Variants in PRKD1 observed in about 807,000 individuals in gnomAD.
PRKD1 encodes protein kinase D1.
PRKD1 carries 63 observed loss-of-function variants against 95.9 expected under a neutral mutation model. That is an observed-to-expected ratio of 0.66 (90% CI 0.54 to 0.81). The LOEUF (loss-of-function observed/expected upper bound fraction) is 0.81, where lower values mean the gene tolerates loss of function less well. PRKD1 is among the 30% of genes least tolerant of loss of function. The pLI is 0.00. For synonymous variants in PRKD1, 425 were observed against 423.1 expected (o/e 1.00, Z -0.05); for missense variants, 1,048 against 1,165.3 (o/e 0.90, Z 1.47).
At position 29,666,158 on chromosome 14, in the gene PRKD1, G is replaced by A. The variant is rs1383618278; in HGVS notation, c.454C>T (p.His152Tyr). The stretch of plus-strand genomic sequence containing the variant: ...CAGAAAGCTGGAGCTCTGTATGAAT[G>A]AACAAAGAGAGCGTGGGGACGAATC... ...FQIRPHALFVHSYRAPAFCDH... is the reference protein window; with the variant it reads ...FQIRPHALFVYSYRAPAFCDH... Residue 152 changes from histidine to tyrosine, a missense_variant, in exon 3 of 18, where the codon CAT (histidine) becomes TAT (tyrosine). By Grantham distance (83) the His-to-Tyr change is moderately conservative. This residue lies in a region of PRKD1 where 275 missense variants were observed against 248.6 expected (regional missense o/e 1.11). Coordinates refer to ENST00000331968, the MANE Select transcript of PRKD1 (RefSeq NM_002742.3). 3 of 1,608,106 alleles carry A rather than the reference G, an allele frequency of 1.9e-6. No individual in the cohort carries two copies. Among genetic ancestry groups the A allele is most frequent in the Admixed American group, 3.3e-5 (2 of 59,956 alleles).
At chr14:29,626,360 G>T in intron 12 of PRKD1, 124 bp downstream of exon 12, 5 of 789,066 alleles carry the variant, frequency 6.3e-6, no homozygotes, top group Non-Finnish European at 9.9e-6. Context: ...AACACAAAAA[G>T]ATACACACAC....
Position 29,725,618 on chromosome 14 carries a change from G to A in PRKD1, c.321C>T (p.Asp107=). 1 of 1,613,628 alleles carries A rather than the reference G, an allele frequency of 6.2e-7. No individual in the cohort carries two copies. Among genetic ancestry groups the A allele is most frequent in the Non-Finnish European group, 8.5e-7 (1 of 1,179,702 alleles). The stretch of plus-strand genomic sequence containing the variant: ...GCTGAAGGATGTTTTCAGAGGTAGG[G>A]TCATGGCGAAAAAGCAGGATCTTAT... The part of the protein sequence containing the change: ...MYDKILLFRH[D]PTSENILQLV... Residue 107 remains aspartate, a synonymous_variant, in exon 2 of 18, where the codon GAC becomes GAT. Transcript: ENST00000331968.
chr14:29,789,618 C>T (rs142885153), intron 1 of PRKD1, among the ~76,000 whole-genome samples: 1,841 of 152,266 alleles, frequency 0.012, 28 homozygotes, highest in African/African-American at 0.042. Flanking sequence ...TAAGTGAATG[C>T]CAATGGTGGC....
chr14:29,907,602 A>C (rs1447552238), intron 1 of PRKD1, among the ~76,000 whole-genome samples: 1 of 152,210 alleles, frequency 6.6e-6, no homozygotes, highest in African/African-American at 2.4e-5. Flanking sequence ...TTTTTGTATA[A>C]ACCAAAGTTT....
At chr14:29,636,195 T>C in intron 7 of PRKD1, 95 bp downstream of exon 7, 2 of 1,436,706 alleles carry the variant, frequency 1.4e-6, no homozygotes, top group Non-Finnish European at 2.0e-6. Context: ...GCACTTCACA[T>C]TTCTACTATA....
intron 1 of PRKD1, among the ~76,000 whole-genome samples, chr14:29,834,005 A>G (rs570097158): frequency 5.3e-5 from 8 of 152,270 alleles, no homozygotes; most frequent in Admixed American, 2.0e-4. Flanking sequence ...GTCCTTCTCA[A>G]TCTTCCCCTG....
intron 7 of PRKD1, 24 bp from the exon 8 acceptor site, chr14:29,634,565 G>A (rs760175492): frequency 1.2e-6 from 2 of 1,611,928 alleles, no homozygotes; most frequent in African/African-American, 1.3e-5. Context: ...AATATTGTAG[G>A]GAAAAAATGT....
intron 2 of PRKD1, among the ~76,000 whole-genome samples, chr14:29,672,574 T>C (rs1186952554): frequency 6.6e-6 from 1 of 151,942 alleles, no homozygotes; most frequent in Non-Finnish European, 1.5e-5. Flanking sequence ...AGGTCATAAA[T>C]CTGCAGTGAT....
chr14:29,887,205 T>G (rs1409160316), intron 1 of PRKD1, among the ~76,000 whole-genome samples: 1 of 152,188 alleles, frequency 6.6e-6, no homozygotes, highest in Non-Finnish European at 1.5e-5. Context: ...GAGAGCAACC[T>G]TGACTGCCCT....
chr14:29,768,419 C>T (rs1888357608), intron 1 of PRKD1, among the ~76,000 whole-genome samples: 1 of 152,154 alleles, frequency 6.6e-6, no homozygotes, highest in African/African-American at 2.4e-5. Context: ...CATTCAGTTT[C>T]ATAATATGTT....
At chr14:29,834,212 T>C (rs1355884071) in intron 1 of PRKD1, among the ~76,000 whole-genome samples, 1 of 152,130 alleles carries the variant, frequency 6.6e-6, no homozygotes, top group Admixed American at 6.6e-5. Flanking sequence ...ACAGAAGCTG[T>C]TAGCCATTCA....
At chr14:29,592,474 A>G (rs1399371577) in intron 16 of PRKD1, among the ~76,000 whole-genome samples, 5 of 152,174 alleles carry the variant, frequency 3.3e-5, no homozygotes, top group Non-Finnish European at 7.3e-5. Flanking sequence ...TTACTTAACT[A>G]TTGTAAGTTA....
At position 29,701,006 on chromosome 14, in the gene PRKD1, A is replaced by ACACACACACACACACC. The variant is rs1555337080; in HGVS notation, c.403+24529_403+24530insGGTGTGTGTGTGTGTG. On this transcript the variant is annotated intron_variant, in intron 2 of 17. Coordinates refer to ENST00000331968, the MANE Select transcript of PRKD1 (RefSeq NM_002742.3). Reference sequence around the variant, plus strand: ...CGCGCGCGCACACACACACACACACACCCTGTTGTGTGTGGGAACTCTGGG... The same window carrying ACACACACACACACACC: ...CGCGCGCGCACACACACACACACACACACACACACACACACCCCCTGTTGTGTGTGGGAACTCTGGG... Among the ~76,000 whole-genome samples the ACACACACACACACACC allele has an allele frequency of 6.4e-3, 322 of 50,672 alleles. 2 individuals are homozygous for ACACACACACACACACC. The highest frequency in any genetic ancestry group is 0.033 in the African/African-American group (308 of 9,358). The allele number at this position is 50,672 out of a possible 152,430, so 33.2% of individuals were successfully genotyped here. A position where few individuals can be genotyped will look rare whatever the true frequency, so the allele number is the denominator to read the frequency against.
At chr14:29,824,929 C>T (rs1293320908) in intron 1 of PRKD1, among the ~76,000 whole-genome samples, 1 of 152,118 alleles carries the variant, frequency 6.6e-6, no homozygotes, top group Non-Finnish European at 1.5e-5. Flanking sequence ...TGGACACTAA[C>T]TCAGTAGATA....
chr14:29,631,507 T>C (rs1288569493), intron 9 of PRKD1, among the ~76,000 whole-genome samples: 1 of 151,992 alleles, frequency 6.6e-6, no homozygotes, highest in Non-Finnish European at 1.5e-5. Flanking sequence ...GGTCTTTTTT[T>C]TTTTTTTTCC....
intron 1 of PRKD1, among the ~76,000 whole-genome samples, chr14:29,750,339 T>C (rs910783113): frequency 6.6e-6 from 1 of 152,148 alleles, no homozygotes; most frequent in African/African-American, 2.4e-5. Flanking sequence ...AGCTAGTTGA[T>C]ATAAACAAAA....
At chr14:29,877,153 A>C (rs1330004483) in intron 1 of PRKD1, among the ~76,000 whole-genome samples, 2 of 152,116 alleles carry the variant, frequency 1.3e-5, no homozygotes, top group African/African-American at 4.8e-5. Context: ...CGCAGTCTCA[A>C]AGAAAAAAAA....
intron 1 of PRKD1, among the ~76,000 whole-genome samples, chr14:29,859,895 A>T (rs1334289858): frequency 6.6e-6 from 1 of 152,194 alleles, no homozygotes; most frequent in African/African-American, 2.4e-5. Flanking sequence ...TCAGTCTAAG[A>T]TATTTCTTTA....
chr14:29,859,702 CT>C (rs1892636915), intron 1 of PRKD1, among the ~76,000 whole-genome samples: 1 of 151,832 alleles, frequency 6.6e-6, no homozygotes. Flanking sequence ...ATAAACTTCA[CT>C]TTATAACTCT....
Sources: allele counts gnomAD v4.1 joint callset (sites outside exome capture counted in the v4.1 genomes callset), GRCh38; gene constraint gnomAD v4.1.1; regional missense constraint gnomAD v4.1.1; transcripts MANE v1.5; gene names NCBI Gene and HGNC (gene_info 2026-07-23, HGNC 2026-07-21).